ZGRF1: variants seen among roughly 807,000 people sequenced by gnomAD.
ZGRF1 encodes 5'-3' DNA helicase ZGRF1.
In ZGRF1, 196 loss-of-function variants were observed where a neutral mutation model predicts 203.5. The ratio of observed to expected loss-of-function variants is 0.96; its 90% CI spans 0.86 to 1.08. The LOEUF (loss-of-function observed/expected upper bound fraction) is 1.08, where lower values mean the gene tolerates loss of function less well. ZGRF1 is among the 50% of genes least tolerant of loss of function. The pLI is 0.00. For missense variants in ZGRF1, 2,326 were observed against 2,416.3 expected (o/e 0.96, Z 0.78); for synonymous variants, 809 against 841.3 (o/e 0.96, Z 0.66).
At chr4:112,569,365 T>C (rs1743795021) in intron 16 of ZGRF1, among the ~76,000 whole-genome samples, 1 of 152,136 alleles carries the variant, frequency 6.6e-6, no homozygotes, top group South Asian at 2.1e-4. Context: ...TTGCTACAAA[T>C]AAAACAAAAT....
chr4:112,614,156 C>T (rs1228014312), intron 6 of ZGRF1, among the ~76,000 whole-genome samples: 1 of 151,852 alleles, frequency 6.6e-6, no homozygotes, highest in East Asian at 1.9e-4. Context: ...TTCTTCTTCT[C>T]TAATTTTGCT....
intron 10 of ZGRF1, among the ~76,000 whole-genome samples, chr4:112,595,846 A>G (rs921481503): frequency 6.6e-6 from 1 of 152,204 alleles, no homozygotes; most frequent in African/African-American, 2.4e-5. Flanking sequence ...TGTCTAAATG[A>G]CTACTCTTCT....
rs35496805 is a variant in ZGRF1, at chr4:112,582,339, C to A, written c.4299-537G>T. Among the ~76,000 whole-genome samples, 941 of 151,868 alleles carry A rather than the reference C, an allele frequency of 6.2e-3. 9 individuals are homozygous for A. Among genetic ancestry groups the A allele is most frequent in the Non-Finnish European group, 8.9e-3 (602 of 67,952 alleles). On this transcript the variant is annotated intron_variant, in intron 15 of 27. Coordinates refer to ENST00000505019, the MANE Select transcript of ZGRF1 (RefSeq NM_018392.5). The stretch of plus-strand genomic sequence containing the variant: ...ACCAACCTCTCTTCATTTCCCACCC[C>A]CTTTTCTTCCCAGCCTCTGGTAACC...
chr4:112,581,106 G>C (rs1266992294), intron 16 of ZGRF1, among the ~76,000 whole-genome samples: 1 of 151,820 alleles, frequency 6.6e-6, no homozygotes, highest in Non-Finnish European at 1.5e-5. Context: ...CCATAAAAAA[G>C]GATGAGTTCA....
chr4:112,612,489 TAAA>T (rs559979863), intron 7 of ZGRF1, 32 bp downstream of exon 7: 2 of 1,351,100 alleles, frequency 1.5e-6, no homozygotes, highest in South Asian at 2.5e-5. Context: ...CTTATCAAAA[TAAA>T]AAAAACATAC....
chr4:112,572,123 A>C (rs1744314672), intron 16 of ZGRF1, among the ~76,000 whole-genome samples: 1 of 152,166 alleles, frequency 6.6e-6, no homozygotes, highest in African/African-American at 2.4e-5. Flanking sequence ...TATACAAAAG[A>C]AAAAAGAATC....
At chr4:112,611,978 T>G (rs564111333) in intron 7 of ZGRF1, among the ~76,000 whole-genome samples, 2 of 151,966 alleles carry the variant, frequency 1.3e-5, no homozygotes, top group Non-Finnish European at 2.9e-5. Flanking sequence ...TTGTTTTTTT[T>G]TTTTGAGATG....
chr4:112,617,494 T>C lies in ZGRF1; in HGVS notation c.2548A>G (p.Thr850Ala), dbSNP rs773019321. ...TGTTGAGTTCCTTGCTGAAAGACAG[T>C]ATTTTTCTTTTTCAATATTTCCAAG... The part of the protein sequence containing the change: ...DSLEILKKKN[T>A]VFQQGTQQTY... The change falls in exon 6 of 28, where the codon ACT (threonine) becomes GCT (alanine). Residue 850 changes from threonine to alanine, a missense_variant. Physicochemically the swap from Thr to Ala is moderately conservative, Grantham distance 58. Transcript: ENST00000505019. 1 of 1,597,910 alleles carries C rather than the reference T, an allele frequency of 6.3e-7. No individual in the cohort carries two copies. Among genetic ancestry groups the C allele is most frequent in the Non-Finnish European group, 8.5e-7 (1 of 1,175,032 alleles).
intron 15 of ZGRF1, among the ~76,000 whole-genome samples, 165 bp downstream of exon 15, chr4:112,583,813 T>C (rs1271138514): frequency 6.9e-6 from 1 of 145,044 alleles, no homozygotes. Flanking sequence ...ACTATATAAT[T>C]AAAAAAAAAA....
chr4:112,616,490 A>G (rs2046874837), intron 6 of ZGRF1, among the ~76,000 whole-genome samples: 2 of 147,958 alleles, frequency 1.4e-5, no homozygotes, highest in Non-Finnish European at 3.0e-5. Context: ...GCACCACTGC[A>G]CTCCAGCCTG....
chr4:112,582,925 A>G (rs1277086510), intron 15 of ZGRF1, among the ~76,000 whole-genome samples: 4 of 152,154 alleles, frequency 2.6e-5, no homozygotes, highest in Non-Finnish European at 4.4e-5. Context: ...TATCTTGGCT[A>G]TTGTGAATAC....
intron 10 of ZGRF1, among the ~76,000 whole-genome samples, chr4:112,600,520 C>T (rs1017233911): frequency 2.0e-5 from 3 of 151,932 alleles, no homozygotes; most frequent in Admixed American, 2.0e-4. Context: ...GGTGAAACCC[C>T]GTCTCTACTA....
At chr4:112,607,796 C>T (rs1273831592) in intron 8 of ZGRF1, 1 of 152,158 alleles carries the variant, frequency 6.6e-6, no homozygotes, top group Non-Finnish European at 1.5e-5. Flanking sequence ...AAATAATTAT[C>T]CAGCCATCGT....
intron 1 of ZGRF1, among the ~76,000 whole-genome samples, chr4:112,635,498 C>T (rs979342602): frequency 1.3e-5 from 2 of 151,872 alleles, no homozygotes; most frequent in Admixed American, 1.3e-4. Flanking sequence ...AATCATAGCT[C>T]GCTGTGGCCT....
intron 10 of ZGRF1, among the ~76,000 whole-genome samples, chr4:112,592,588 C>A (rs1748365146): frequency 6.6e-6 from 1 of 152,144 alleles, no homozygotes; most frequent in Non-Finnish European, 1.5e-5. Context: ...ATAACCCATT[C>A]TCTTCTCTAT....
At chr4:112,557,536 T>C (rs1002882445) in intron 20 of ZGRF1, among the ~76,000 whole-genome samples, 1 of 152,102 alleles carries the variant, frequency 6.6e-6, no homozygotes, top group Non-Finnish European at 1.5e-5. Flanking sequence ...CAAAGGACTT[T>C]TACTTATGGC....
intron 24 of ZGRF1, 57 bp from the exon 25 acceptor site, chr4:112,541,325 GAA>G: frequency 1.1e-6 from 1 of 932,570 alleles, no homozygotes; most frequent in Non-Finnish European, 1.6e-6. Context: ...TCTAGGGAAA[GAA>G]AATTATATTT....
intron 16 of ZGRF1, 83 bp from the exon 17 acceptor site, chr4:112,563,357 T>C (rs994585939): frequency 1.0e-6 from 1 of 998,584 alleles, no homozygotes. Context: ...TATTTGCATA[T>C]GTGTGTACAT....
At position 112,577,542 on chromosome 4, in the gene ZGRF1, T is replaced by C. The variant is rs1294495877; in HGVS notation, c.4438+4121A>G. On this transcript the variant is annotated intron_variant, in intron 16 of 27. Coordinates refer to ENST00000505019, the MANE Select transcript of ZGRF1 (RefSeq NM_018392.5). ...CTGTATTCAGGAAACCCATCTCACA[T>C]GCAGAGACACACATAGGCTCAAAAT... Among the ~76,000 whole-genome samples, 6 of 122,274 alleles carry C rather than the reference T, an allele frequency of 4.9e-5. 2 individuals are homozygous for C. Among genetic ancestry groups the C allele is most frequent in the Non-Finnish European group, 1.1e-4 (6 of 54,916 alleles). 80.2% of individuals were successfully genotyped at this position (122,274 alleles called of 152,430 possible). A position where few individuals can be genotyped will look rare whatever the true frequency, so the allele number is the denominator to read the frequency against.
Sources: allele counts gnomAD v4.1 joint callset (sites outside exome capture counted in the v4.1 genomes callset), GRCh38; gene constraint gnomAD v4.1.1; transcripts MANE v1.5; gene names NCBI Gene and HGNC (gene_info 2026-07-23, HGNC 2026-07-21).